AKAP12: variants seen among roughly 807,000 people sequenced by gnomAD.
The protein encoded by AKAP12 is A-kinase anchoring protein 12, also known as A-kinase anchor protein 12.
AKAP12 carries 32 observed loss-of-function variants against 79.9 expected under a neutral mutation model. The observed-to-expected ratio is 0.40, with a 90% confidence interval of 0.30 to 0.54. The LOEUF (loss-of-function observed/expected upper bound fraction) is 0.54, where lower values mean the gene tolerates loss of function less well. Ranked by LOEUF, AKAP12 falls within the 20% of genes least tolerant of loss-of-function variation. The probability of loss-of-function intolerance (pLI) is 0.48; values close to 1 mark genes in which losing one functional copy is unlikely to be tolerated. For missense variants in AKAP12, 2,074 were observed against 2,177.0 expected (o/e 0.95, Z 0.94); for synonymous variants, 808 against 857.0 (o/e 0.94, Z 1.00).
At chr6:151,289,024 C>T (rs1229781408) in intron 2 of AKAP12, among the ~76,000 whole-genome samples, 22 of 152,230 alleles carry the variant, frequency 1.4e-4, no homozygotes, top group Admixed American at 1.4e-3. Flanking sequence ...TAATCAGTAC[C>T]TACTGCAAGT....
Position 151,351,706 on chromosome 6 carries a change from T to G in AKAP12, c.3315T>G (p.Pro1105=). ...ATGCTCAGGAGGCAAAAACTGAGCC[T>G]TTTACACAAGGGAAGGTGGTGGGGC... ...KVDAQEAKTE[P]FTQGKVVGQT... The change falls in exon 4 of 5, where the codon CCT becomes CCG. Residue 1105 remains proline, a synonymous_variant. Transcript: ENST00000402676. This position sits in a 1 kb window ranked among gnomAD's most constrained non-coding sequence, Gnocchi z 4.4. 6.2e-7 allele frequency: 1 copy of G among 1,614,108 alleles called. No individual in the cohort carries two copies. Among genetic ancestry groups the G allele is most frequent in the Non-Finnish European group, 8.5e-7 (1 of 1,180,028 alleles).
At chr6:151,310,060 T>C (rs1488386488) in intron 3 of AKAP12, among the ~76,000 whole-genome samples, 1 of 151,892 alleles carries the variant, frequency 6.6e-6, no homozygotes, top group African/African-American at 2.4e-5. Context: ...GGTCTTCTCT[T>C]TGTTAAAAAC....
At chr6:151,314,491 C>T (rs9383882) in intron 3 of AKAP12, among the ~76,000 whole-genome samples, 11,213 of 152,256 alleles carry the variant, frequency 0.074, 804 homozygotes, top group East Asian at 0.4. Context: ...ACGTCATCCT[C>T]TCATCCCCCC....
At chr6:151,324,243 T>G in intron 3 of AKAP12, 9 of 985,284 alleles carry the variant, frequency 9.1e-6, no homozygotes, top group Non-Finnish European at 9.6e-6. Flanking sequence ...TCTCACTGAG[T>G]CAGGACAAGG....
intron 3 of AKAP12, chr6:151,324,878 A>C: frequency 1.0e-6 from 1 of 985,462 alleles, no homozygotes; most frequent in Non-Finnish European, 1.2e-6. Context: ...GGCTGCCTGA[A>C]ATCTTCTGAA....
intron 2 of AKAP12, among the ~76,000 whole-genome samples, chr6:151,249,881 AC>A (rs1263781261): frequency 4.6e-5 from 7 of 152,198 alleles, no homozygotes; most frequent in African/African-American, 1.7e-4. Context: ...CTCAAGTGTT[AC>A]CCTTGTCTCT....
intron 2 of AKAP12, among the ~76,000 whole-genome samples, chr6:151,256,813 C>G (rs976533107): frequency 4.0e-5 from 6 of 151,794 alleles, no homozygotes; most frequent in Admixed American, 6.6e-5. Flanking sequence ...CCATGCCTGC[C>G]TAATTTTTGT....
chr6:151,293,537 G>C (rs959316713), intron 2 of AKAP12, among the ~76,000 whole-genome samples: 7 of 152,188 alleles, frequency 4.6e-5, no homozygotes, highest in Non-Finnish European at 8.8e-5. Context: ...AGCAGCGGGT[G>C]GTGGGGAACT....
At position 151,350,993 on chromosome 6, in the gene AKAP12, A is replaced by G. The variant is rs1042068; in HGVS notation, c.2602A>G (p.Ser868Gly). 1 of 1,614,104 alleles carries G rather than the reference A, an allele frequency of 6.2e-7. No homozygotes were observed. The highest frequency in any genetic ancestry group is 8.5e-7 in the Non-Finnish European group (1 of 1,180,014). Residue 868 changes from serine (S) to glycine (G), a missense_variant, in exon 4 of 5, where the codon AGC becomes GGC. Ser to Gly is a moderately conservative substitution (Grantham distance 56). Coordinates refer to ENST00000402676, the MANE Select transcript of AKAP12 (RefSeq NM_005100.4). The surrounding 1 kb of genome is among the most constrained non-coding windows in gnomAD (Gnocchi z 4.8). ...AATGGAGGCACAGCAAGCCCAAAAA[A>G]GCGCAGAGCAGCCCGAGCAGAAGGC... is the stretch of plus-strand genomic sequence containing the variant. Reference protein sequence around the residue: ...EKMEAQQAQKSAEQPEQKAAT... With the variant: ...EKMEAQQAQKGAEQPEQKAAT...
chr6:151,319,182 C>T (rs879380780), intron 3 of AKAP12, among the ~76,000 whole-genome samples: 2 of 152,058 alleles, frequency 1.3e-5, no homozygotes, highest in Admixed American at 1.3e-4. Flanking sequence ...TGTATCATAA[C>T]AATTCCTTTG....
chr6:151,352,592 G>A lies in AKAP12; in HGVS notation c.4201G>A (p.Gly1401Ser), dbSNP rs1266254532. 5 of 1,614,194 alleles carry A rather than the reference G, an allele frequency of 3.1e-6. No homozygotes were observed. The Admixed American group carries it at 8.3e-5, about 27-fold the overall frequency. Residue 1401 changes from glycine (G) to serine (S), a missense_variant, in exon 4 of 5, where the codon GGT (glycine) becomes AGT (serine). Transcript: ENST00000402676. Reference sequence around the variant, plus strand: ...GGAAGGAAGCCCTCCTCCCTGCCTAGGTCAAGAGGAGGCAGTATGCACCAA... The same window carrying A: ...GGAAGGAAGCCCTCCTCCCTGCCTAAGTCAAGAGGAGGCAGTATGCACCAA... The part of the protein sequence containing the change: ...SLEGSPPPCL[G>S]QEEAVCTKIQ...
At chr6:151,297,434 G>A (rs1301549971) in intron 2 of AKAP12, among the ~76,000 whole-genome samples, 1 of 151,940 alleles carries the variant, frequency 6.6e-6, no homozygotes, top group Non-Finnish European at 1.5e-5. Flanking sequence ...TTAGCCGGGT[G>A]TGGTGGTGCG....
At chr6:151,281,516 T>A (rs1562719868) in intron 2 of AKAP12, among the ~76,000 whole-genome samples, 1 of 152,216 alleles carries the variant, frequency 6.6e-6, no homozygotes, top group Non-Finnish European at 1.5e-5. Context: ...ATCTCATGGT[T>A]GATACTTCAC....
intron 3 of AKAP12, 31 bp from the exon 4 acceptor site, chr6:151,348,680 T>TACCCAC: frequency 2.8e-6 from 1 of 355,202 alleles, no homozygotes; most frequent in Non-Finnish European, 5.5e-6. Flanking sequence ...TTTTCTCTTC[T>TACCCAC]CCCCACCCCC....
intron 2 of AKAP12, among the ~76,000 whole-genome samples, chr6:151,302,004 A>G (rs1331661197): frequency 6.7e-6 from 1 of 148,438 alleles, no homozygotes; most frequent in Non-Finnish European, 1.5e-5. Flanking sequence ...TGTGTGTAAC[A>G]TCTCTTTTTT....
At chr6:151,292,156 G>A (rs995428893) in intron 2 of AKAP12, among the ~76,000 whole-genome samples, 1 of 152,184 alleles carries the variant, frequency 6.6e-6, no homozygotes, top group African/African-American at 2.4e-5. Context: ...AATATTTGGA[G>A]TTGAACATAA....
At chr6:151,264,928 G>A (rs1797521505) in intron 2 of AKAP12, among the ~76,000 whole-genome samples, 1 of 152,120 alleles carries the variant, frequency 6.6e-6, no homozygotes, top group African/African-American at 2.4e-5. Flanking sequence ...GAGGTGGGCA[G>A]ATCACCTGAG....
intron 2 of AKAP12, among the ~76,000 whole-genome samples, chr6:151,291,211 G>T (rs910929901): frequency 1.3e-5 from 2 of 152,098 alleles, no homozygotes; most frequent in Non-Finnish European, 2.9e-5. Flanking sequence ...TAATATGTGG[G>T]TCCTTTCCCA....
chr6:151,259,505 TATATATAC>T (rs1463027042), intron 2 of AKAP12, among the ~76,000 whole-genome samples: 25 of 59,818 alleles, frequency 4.2e-4, no homozygotes, highest in Admixed American at 8.7e-4. Context: ...TACATGTATA[TATATATAC>T]ACACACACAC....
Sources: allele counts gnomAD v4.1 joint callset (sites outside exome capture counted in the v4.1 genomes callset), GRCh38; gene constraint gnomAD v4.1.1; non-coding constraint Gnocchi (gnomAD v3.1); transcripts MANE v1.5; gene names NCBI Gene and HGNC (gene_info 2026-07-23, HGNC 2026-07-21).